LSAMP: variants seen among roughly 807,000 people sequenced by gnomAD.
The protein encoded by LSAMP is limbic system associated membrane protein.
A neutral mutation model predicts 38.6 loss-of-function variants in LSAMP; 7 were observed. The observed-to-expected ratio is 0.18, with a 90% CI of 0.10 to 0.34. The LOEUF (loss-of-function observed/expected upper bound fraction) is 0.34, where lower values mean the gene tolerates loss of function less well. Among genes scored for constraint, LSAMP ranks in the 10% least tolerant of loss-of-function variants. The probability of loss-of-function intolerance (pLI) is 1.00; values close to 1 mark genes in which losing one functional copy is unlikely to be tolerated. For missense variants in LSAMP, 313 were observed against 420.0 expected, an observed-to-expected ratio of 0.75 and a Z score of 2.23; for synonymous variants, 154 against 166.8, an observed-to-expected ratio of 0.92 and a Z score of 0.59.
chr3:115,879,202 G>A (rs1936261918), intron 3 of LSAMP, among the ~76,000 whole-genome samples: 1 of 152,068 alleles, frequency 6.6e-6, no homozygotes, highest in South Asian at 2.1e-4. Context: ...CAGATTTATT[G>A]TGAAGATACA....
At chr3:115,993,720 TA>T (rs1188042860) in intron 3 of LSAMP, among the ~76,000 whole-genome samples, 1 of 152,066 alleles carries the variant, frequency 6.6e-6, no homozygotes, top group African/African-American at 2.4e-5. Flanking sequence ...TTTTTTTAAG[TA>T]AAAAATGTGG....
At chr3:116,108,826 T>A (rs890873655) in intron 1 of LSAMP, among the ~76,000 whole-genome samples, 4 of 152,146 alleles carry the variant, frequency 2.6e-5, no homozygotes, top group African/African-American at 9.7e-5. Context: ...GCCGCTGCGG[T>A]TCAGGCATTT....
At chr3:115,952,296 G>T (rs1281556782) in intron 3 of LSAMP, among the ~76,000 whole-genome samples, 1 of 152,142 alleles carries the variant, frequency 6.6e-6, no homozygotes, top group Non-Finnish European at 1.5e-5. Context: ...ATTCACAATG[G>T]CAAAAATATG....
At chr3:116,115,321 G>C (rs1341971413) in intron 1 of LSAMP, among the ~76,000 whole-genome samples, 1 of 152,214 alleles carries the variant, frequency 6.6e-6, no homozygotes, top group Non-Finnish European at 1.5e-5. Flanking sequence ...TCTCACAACA[G>C]CCTATGTAAT....
intron 1 of LSAMP, among the ~76,000 whole-genome samples, chr3:116,177,609 A>G (rs1710380474): frequency 6.6e-6 from 1 of 152,194 alleles, no homozygotes; most frequent in African/African-American, 2.4e-5. Flanking sequence ...ATACAATAAA[A>G]ATAATTCTTT....
intron 1 of LSAMP, among the ~76,000 whole-genome samples, chr3:116,244,112 ATTTAC>A (rs1298970165): frequency 1.3e-5 from 2 of 152,078 alleles, no homozygotes; most frequent in African/African-American, 4.8e-5. Context: ...CTTCCCTTCC[ATTTAC>A]TTTAACACTA....
At chr3:115,977,162 A>G (rs1939213456) in intron 3 of LSAMP, among the ~76,000 whole-genome samples, 1 of 152,202 alleles carries the variant, frequency 6.6e-6, no homozygotes. Flanking sequence ...ACATATATTA[A>G]GAATGATCAA....
chr3:116,068,353 C>T (rs1286182626), intron 2 of LSAMP, among the ~76,000 whole-genome samples: 1 of 152,128 alleles, frequency 6.6e-6, no homozygotes, highest in East Asian at 1.9e-4. Flanking sequence ...TATATCCATT[C>T]CTATTCTTCT....
chr3:116,331,040 A>G (rs966739291), intron 1 of LSAMP, among the ~76,000 whole-genome samples: 3 of 152,182 alleles, frequency 2.0e-5, no homozygotes, highest in African/African-American at 7.2e-5. Context: ...ATGTATGAAC[A>G]AAGTATAAAT....
intron 1 of LSAMP, among the ~76,000 whole-genome samples, chr3:116,307,538 C>A (rs557855462): frequency 1.3e-5 from 2 of 151,842 alleles, no homozygotes; most frequent in East Asian, 1.9e-4. Context: ...GTGATAGAAC[C>A]AAGAAAATCT....
chr3:115,904,557 GTAAAACAT>G (rs1336191285), intron 3 of LSAMP, among the ~76,000 whole-genome samples: 1 of 152,106 alleles, frequency 6.6e-6, no homozygotes, highest in African/African-American at 2.4e-5. Context: ...TATTAGGCTA[GTAAAACAT>G]TAAAATTTCT....
At chr3:115,966,758 TACA>T (rs927304191) in intron 3 of LSAMP, among the ~76,000 whole-genome samples, 1 of 152,098 alleles carries the variant, frequency 6.6e-6, no homozygotes, top group African/African-American at 2.4e-5. Flanking sequence ...TGAATAAAAA[TACA>T]ACAACAAGAA....
At chr3:116,019,842 C>T (rs946826000) in intron 2 of LSAMP, among the ~76,000 whole-genome samples, 3 of 152,166 alleles carry the variant, frequency 2.0e-5, no homozygotes, top group Non-Finnish European at 2.9e-5. Context: ...AAGGTAAGAA[C>T]ACCCTTCACA....
chr3:116,098,456 G>A (rs754433912), intron 1 of LSAMP, among the ~76,000 whole-genome samples: 7 of 152,242 alleles, frequency 4.6e-5, no homozygotes, highest in East Asian at 1.9e-4. Flanking sequence ...CCAAGATTGC[G>A]CCATTGCAGC....
chr3:116,203,361 A>G lies in LSAMP; in HGVS notation c.156-116805T>C, dbSNP rs1213749011. Among the ~76,000 whole-genome samples the G allele has an allele frequency of 2.7e-5, 4 of 149,706 alleles. No homozygotes were observed. The South Asian group carries it at 6.5e-4, about 24-fold the overall frequency. ...ATTAAATGTCTTTTCTCAATTTTTTATACGTACATTTTCTCAAATTTCTTT... is the reference window on the plus strand; with the variant it reads ...ATTAAATGTCTTTTCTCAATTTTTTGTACGTACATTTTCTCAAATTTCTTT... On this transcript the variant is annotated intron_variant, in intron 1 of 6. Coordinates refer to ENST00000490035, the MANE Select transcript of LSAMP (RefSeq NM_002338.5).
intron 1 of LSAMP, among the ~76,000 whole-genome samples, chr3:116,397,398 C>CAA (rs1489376888): frequency 7.2e-6 from 1 of 137,950 alleles, no homozygotes; most frequent in African/African-American, 2.8e-5. Flanking sequence ...CCCCCCCCCA[C>CAA]ACACACATAC....
chr3:116,178,514 T>C (rs752144953), intron 1 of LSAMP, among the ~76,000 whole-genome samples: 1 of 152,102 alleles, frequency 6.6e-6, no homozygotes, highest in African/African-American at 2.4e-5. Flanking sequence ...GAGGCAATGA[T>C]AAATCTAAGC....
chr3:116,024,084 T>G (rs1559924629), intron 2 of LSAMP, among the ~76,000 whole-genome samples: 1 of 152,134 alleles, frequency 6.6e-6, no homozygotes, highest in Non-Finnish European at 1.5e-5. Context: ...ATGGGTGAAA[T>G]GCCGTGCTGT....
intron 3 of LSAMP, among the ~76,000 whole-genome samples, chr3:115,891,816 A>T (rs1184475653): frequency 1.3e-5 from 2 of 151,956 alleles, no homozygotes; most frequent in Admixed American, 1.3e-4. Context: ...TTCTCCTGGT[A>T]GTAGGTGGCA....
Sources: allele counts gnomAD v4.1 joint callset (sites outside exome capture counted in the v4.1 genomes callset), GRCh38; gene constraint gnomAD v4.1.1; transcripts MANE v1.5; gene names NCBI Gene and HGNC (gene_info 2026-07-23, HGNC 2026-07-21).